Variants in GRIK4 observed in about 807,000 individuals in gnomAD.
GRIK4 encodes the protein glutamate receptor ionotropic, kainate 4.
A neutral mutation model predicts 104.9 loss-of-function variants in GRIK4; 40 were observed. That is an observed-to-expected ratio of 0.38 (90% CI 0.30 to 0.50). The LOEUF (loss-of-function observed/expected upper bound fraction) is 0.50, where lower values mean the gene tolerates loss of function less well. GRIK4 is among the 20% of genes least tolerant of loss of function. The pLI is 0.93. For missense variants in GRIK4, 1,047 were observed against 1,308.1 expected, an observed-to-expected ratio of 0.80 and a Z score of 3.08; for synonymous variants, 485 against 524.9, an observed-to-expected ratio of 0.92 and a Z score of 1.04.
intron 20 of GRIK4, among the ~76,000 whole-genome samples, chr11:120,982,934 A>G: frequency 6.6e-6 from 1 of 152,112 alleles, no homozygotes; most frequent in East Asian, 1.9e-4. Flanking sequence ...CACTGTGCTC[A>G]GCCTCTTTCC....
At chr11:120,949,884 A>G (rs141087219) in intron 14 of GRIK4, among the ~76,000 whole-genome samples, 1 of 152,326 alleles carries the variant, frequency 6.6e-6, no homozygotes, top group African/African-American at 2.4e-5. Context: ...GGGTATTGAA[A>G]TCAAGAGAAC....
chr11:120,905,195 C>T lies in GRIK4; in HGVS notation c.1273-95C>T. On this transcript the variant is annotated intron_variant, in intron 12 of 20. Coordinates refer to ENST00000527524, the MANE Select transcript of GRIK4 (RefSeq NM_014619.5). The surrounding 1 kb of genome is among the most constrained non-coding windows in gnomAD (Gnocchi z 5.1). ...TCAGTTTCCTCCTTCTGCCCCATGT[C>T]CTCCCCGACCCTCTGTGCCCCTGGC... 3.4e-6 allele frequency: 3 copies of T among 878,896 alleles called. No homozygotes were observed. The highest frequency in any genetic ancestry group is 5.7e-6 in the Non-Finnish European group (3 of 523,124). The allele number at this position is 878,896 out of a possible 1,614,324, so 54.4% of individuals were successfully genotyped here.
At chr11:120,570,494 C>T (rs563071506) in intron 1 of GRIK4, among the ~76,000 whole-genome samples, 2 of 152,306 alleles carry the variant, frequency 1.3e-5, no homozygotes, top group South Asian at 4.2e-4. Flanking sequence ...CACTCTGTCA[C>T]CCAGGCTGGA....
chr11:120,934,918 C>G (rs1031851882), intron 13 of GRIK4, among the ~76,000 whole-genome samples: 8 of 152,160 alleles, frequency 5.3e-5, no homozygotes, highest in South Asian at 2.1e-4. Flanking sequence ...TTCCATCCCC[C>G]CTGGGTTACG....
intron 3 of GRIK4, among the ~76,000 whole-genome samples, chr11:120,787,855 T>C (rs1292383684): frequency 7.4e-5 from 1 of 13,564 alleles, no homozygotes; most frequent in African/African-American, 1.7e-4. Context: ...TTCTTTTCTT[T>C]TTTTTTTTTT....
At chr11:120,805,488 A>G (rs941057728) in intron 4 of GRIK4, among the ~76,000 whole-genome samples, 8 of 152,214 alleles carry the variant, frequency 5.3e-5, no homozygotes, top group Non-Finnish European at 1.2e-4. Flanking sequence ...AGGTATCTTT[A>G]TTCCATCTTA....
intron 7 of GRIK4, among the ~76,000 whole-genome samples, chr11:120,833,353 T>C (rs977307890): frequency 6.6e-6 from 1 of 152,120 alleles, no homozygotes; most frequent in Non-Finnish European, 1.5e-5. Context: ...TTTTCCTCTG[T>C]TTTCTCTTAT....
intron 11 of GRIK4, among the ~76,000 whole-genome samples, chr11:120,884,831 T>G (rs1955072280): frequency 6.6e-6 from 1 of 152,232 alleles, no homozygotes; most frequent in African/African-American, 2.4e-5. Context: ...TGAGCCAGCT[T>G]CCAGCTAGGG....
chr11:120,599,737 G>A (rs1270130103), intron 1 of GRIK4, among the ~76,000 whole-genome samples: 1 of 152,246 alleles, frequency 6.6e-6, no homozygotes, highest in African/African-American at 2.4e-5. Flanking sequence ...CTCAGTTCCA[G>A]GTTGCCCTGA....
intron 14 of GRIK4, among the ~76,000 whole-genome samples, chr11:120,945,954 A>G (rs965172356): frequency 8.5e-5 from 13 of 152,252 alleles, no homozygotes; most frequent in African/African-American, 2.9e-4. Flanking sequence ...GTGGCAGAAC[A>G]TCTGAAGTTC....
At chr11:120,796,332 G>A (rs12285831) in intron 3 of GRIK4, among the ~76,000 whole-genome samples, 6,678 of 152,200 alleles carry the variant, frequency 0.044, 460 homozygotes, top group African/African-American at 0.15. Context: ...ATCGTGCCTG[G>A]CCTTTTCCTG....
intron 1 of GRIK4, among the ~76,000 whole-genome samples, chr11:120,536,008 G>A (rs1018339321): frequency 9.2e-5 from 14 of 152,204 alleles, no homozygotes; most frequent in South Asian, 2.1e-4. Flanking sequence ...GGAAAAAGAC[G>A]AGAAGGTAGA....
At chr11:120,584,417 T>C (rs567091161) in intron 1 of GRIK4, among the ~76,000 whole-genome samples, 1 of 152,308 alleles carries the variant, frequency 6.6e-6, no homozygotes, top group Admixed American at 6.5e-5. Flanking sequence ...GCTCAGCTTC[T>C]AGGGAGGCCT....
rs183199394 is a variant in GRIK4 at position 120,814,758 on chromosome 11, C to T, written c.248-620C>T. ...GACCTGCTCTACCTGGGGGAGGGAACATGCCAGGCTTCAGGACGAAGTGAA... is the reference window on the plus strand; with the variant it reads ...GACCTGCTCTACCTGGGGGAGGGAATATGCCAGGCTTCAGGACGAAGTGAA... On this transcript the variant is annotated intron_variant, in intron 4 of 20. Coordinates refer to ENST00000527524, the MANE Select transcript of GRIK4 (RefSeq NM_014619.5). Among the ~76,000 whole-genome samples, 412 of 152,278 alleles carry T rather than the reference C, an allele frequency of 2.7e-3. 1 individual carries two copies. The highest frequency in any genetic ancestry group is 8.8e-3 in the African/African-American group (364 of 41,552).
chr11:120,680,219 A>G (rs1270732704), intron 3 of GRIK4, among the ~76,000 whole-genome samples: 2 of 152,194 alleles, frequency 1.3e-5, no homozygotes, highest in African/African-American at 4.8e-5. Context: ...CTGGGACTAC[A>G]GGTGCGCTCC....
chr11:120,585,949 T>C (rs982854677), intron 1 of GRIK4, among the ~76,000 whole-genome samples: 4 of 152,108 alleles, frequency 2.6e-5, no homozygotes, highest in African/African-American at 9.7e-5. Context: ...GAAGCACCTT[T>C]AGCAGTTGGG....
At position 120,940,969 on chromosome 11, in the gene GRIK4, A is replaced by G. The variant is rs999806; in HGVS notation, c.1590+509A>G. The stretch of plus-strand genomic sequence containing the variant: ...TTCTGCATTCCATGCCCCCATCAGA[A>G]AGACTCCTCTGGCTAGGTAGGCCAG... On this transcript the variant is annotated intron_variant, in intron 14 of 20. Transcript: ENST00000527524. This position sits in a 1 kb window ranked among gnomAD's most constrained non-coding sequence, Gnocchi z 4.3. Among the ~76,000 whole-genome samples the G allele has an allele frequency of 7.4e-3, 1,130 of 152,310 alleles. 16 individuals are homozygous for G. The highest frequency in any genetic ancestry group is 0.026 in the African/African-American group (1,077 of 41,576).
chr11:120,645,856 C>G (rs977164878), intron 1 of GRIK4, among the ~76,000 whole-genome samples: 2 of 152,176 alleles, frequency 1.3e-5, no homozygotes, highest in African/African-American at 2.4e-5. Flanking sequence ...CGCTGTGTCC[C>G]CCTGCACTCA....
intron 1 of GRIK4, among the ~76,000 whole-genome samples, chr11:120,551,090 C>T (rs991703199): frequency 1.3e-5 from 2 of 152,060 alleles, no homozygotes; most frequent in East Asian, 1.9e-4. Flanking sequence ...ATGGTTTGGC[C>T]TCTTATGGGA....
Sources: gnomAD v4.1 joint callset for allele counts (sites outside exome capture counted in the v4.1 genomes callset) on GRCh38, gnomAD v4.1.1 for gene constraint, Gnocchi (gnomAD v3.1) non-coding constraint, MANE v1.5 for transcripts, NCBI Gene and HGNC (gene_info 2026-07-23, HGNC 2026-07-21) for gene names.